The following ABCC2 variants were observed in gnomAD, a reference collection of about 807,000 sequenced individuals.
ABCC2 encodes ATP-binding cassette sub-family C member 2.
Under a neutral mutation model 173.4 loss-of-function variants are expected in ABCC2, and 157 were observed. That is an observed-to-expected ratio of 0.91 (90% CI 0.80 to 1.03). The LOEUF (loss-of-function observed/expected upper bound fraction) is 1.03. Among genes scored for constraint, ABCC2 ranks in the 50% least tolerant of loss-of-function variants. The pLI is 0.00. For missense variants in ABCC2, 1,822 were observed against 1,852.3 expected, an observed-to-expected ratio of 0.98 and a Z score of 0.30; for synonymous variants, 657 against 693.5, an observed-to-expected ratio of 0.95 and a Z score of 0.83.
chr10:99,834,243 T>G (rs374306223), intron 23 of ABCC2, 137 bp from the exon 24 acceptor site: 3 of 917,106 alleles, frequency 3.3e-6, no homozygotes, highest in African/African-American at 1.6e-5. Context: ...CTATTGCAAA[T>G]GAACACAATG....
At chr10:99,828,933 G>A (rs1174671898) in intron 19 of ABCC2, among the ~76,000 whole-genome samples, 1 of 151,318 alleles carries the variant, frequency 6.6e-6, no homozygotes, top group Non-Finnish European at 1.5e-5. Flanking sequence ...TGCATGTGTA[G>A]GTGGCATTCT....
At chr10:99,833,944 T>C (rs1195642299) in intron 23 of ABCC2, among the ~76,000 whole-genome samples, 2 of 152,204 alleles carry the variant, frequency 1.3e-5, no homozygotes, top group African/African-American at 2.4e-5. Context: ...GTAAGACACA[T>C]CTGTTCCCGC....
rs369281337 is a variant in ABCC2 at position 99,814,722 on chromosome 10, C to T, written c.2094+1578C>T. 3.5e-4 allele frequency among the ~76,000 whole-genome samples: 49 copies of T among 141,724 alleles called. 2 individuals carry two copies. In the South Asian group the frequency reaches 7.8e-3, roughly 22 times the overall value. The allele number at this position is 141,724 out of a possible 152,430, so 93.0% of individuals were successfully genotyped here. A position where few individuals can be genotyped will look rare whatever the true frequency, so the allele number is the denominator to read the frequency against. On this transcript the variant is annotated intron_variant, in intron 16 of 31. Coordinates refer to ENST00000647814, the MANE Select transcript of ABCC2 (RefSeq NM_000392.5). ...ATATATGTGTATACATGTATATACA[C>T]ATATGTGTGTGTATGTGTATATGTA... is the stretch of plus-strand genomic sequence containing the variant.
chr10:99,844,569 G>A, intron 28 of ABCC2, 104 bp downstream of exon 28: 1 of 1,488,874 alleles, frequency 6.7e-7, no homozygotes, highest in Non-Finnish European at 9.2e-7. Flanking sequence ...TTTGGATGGA[G>A]GGAAAGGGTC....
In ABCC2 at chr10:99,831,628, C is replaced by A. The variant is rs17222547; in HGVS notation, c.2901C>A (p.Tyr967Ter). 1.2e-5 allele frequency: 19 copies of A among 1,613,956 alleles called. No homozygotes were observed. The African/African-American group carries it at 1.9e-4, about 16-fold the overall frequency. The part of the protein sequence containing the change: ...IETGKVKFSI[Y>*]LEYLQAIGLF... Reference sequence around the variant, plus strand: ...CTTTGCAGGTGAAGTTCTCCATCTACCTGGAGTACCTACAAGCAATAGGAT... The same window carrying A: ...CTTTGCAGGTGAAGTTCTCCATCTAACTGGAGTACCTACAAGCAATAGGAT... The change falls in exon 22 of 32, where the codon TAC becomes TAA. Residue 967 changes from tyrosine to a stop codon, truncating the protein, a stop_gained. Transcript: ENST00000647814. LOFTEE classifies it high-confidence loss of function.
At chr10:99,782,967 C>G (rs970185213) in intron 1 of ABCC2, 90 bp downstream of exon 1, 7 of 1,345,834 alleles carry the variant, frequency 5.2e-6, no homozygotes, top group Middle Eastern at 1.8e-4. Context: ...CAACAAGAAC[C>G]AGAAATGTTA....
At chr10:99,803,970 A>G in intron 9 of ABCC2, 49 bp from the exon 10 acceptor site, 1 of 1,612,264 alleles carries the variant, frequency 6.2e-7, no homozygotes, top group East Asian at 2.2e-5. Flanking sequence ...TCTACTCCCT[A>G]GTATCCTTGG....
intron 19 of ABCC2, among the ~76,000 whole-genome samples, chr10:99,828,854 A>G (rs2038689885): frequency 6.6e-6 from 1 of 151,882 alleles, no homozygotes; most frequent in Admixed American, 6.6e-5. Flanking sequence ...GCTTATACAG[A>G]GCCACATAGT....
Position 99,787,061 on chromosome 10 carries a change from AGGTG to A in ABCC2, c.207+2282_207+2285del, listed in dbSNP as rs756806540. On this transcript the variant is annotated intron_variant, in intron 2 of 31. Transcript: ENST00000647814. Reference sequence around the variant, plus strand: ...CACACACCTGTAACCCCAGCTACTCAGGTGGCTGAGGCATAAGGATCACTTGAAC... The same window carrying A: ...CACACACCTGTAACCCCAGCTACTCAGCTGAGGCATAAGGATCACTTGAAC... Among the ~76,000 whole-genome samples, 156 of 151,682 alleles carry A rather than the reference AGGTG, an allele frequency of 1.0e-3. 1 individual carries two copies. The highest frequency in any genetic ancestry group is 1.2e-3 in the Non-Finnish European group (80 of 67,932).
chr10:99,802,618 A>G (rs2038031876), intron 9 of ABCC2, among the ~76,000 whole-genome samples: 1 of 152,218 alleles, frequency 6.6e-6, no homozygotes, highest in South Asian at 2.1e-4. Flanking sequence ...TACAGCCAAG[A>G]ATCCTAATAT....
At chr10:99,847,524 AC>A (rs1390116146) in intron 30 of ABCC2, among the ~76,000 whole-genome samples, 2 of 151,520 alleles carry the variant, frequency 1.3e-5, no homozygotes, top group African/African-American at 4.9e-5. Context: ...AATCGCTTAA[AC>A]CCAGGAGGTG....
At position 99,784,848 on chromosome 10, in the gene ABCC2, G is replaced by A. The variant is rs547608040; in HGVS notation, c.207+67G>A. The A allele has an allele frequency of 1.5e-3, 2,335 of 1,577,656 alleles. 5 individuals are homozygous for A. The highest frequency in any genetic ancestry group is 1.9e-3 in the Non-Finnish European group (2,166 of 1,151,684). ...GCACAGTAGAGACATTTTCTTGGTG[G>A]TTAGTGTTCTCTTCCTTGTCTTTAA... On this transcript the variant is annotated intron_variant, in intron 2 of 31. Coordinates refer to ENST00000647814, the MANE Select transcript of ABCC2 (RefSeq NM_000392.5).
rs767088436 is a variant in ABCC2, at chr10:99,793,920, G to C, written c.497G>C (p.Cys166Ser). ...QGDNSNLAYSCLFFISYGFQI... is the reference protein window; with the variant it reads ...QGDNSNLAYSSLFFISYGFQI... ...GACAATTCTAATCTAGCCTACTCCT[G>C]CCTGTTCTTCATCTCCTACGGATTC... Residue 166 changes from cysteine to serine, a missense_variant, in exon 5 of 32, where the codon TGC becomes TCC. By Grantham distance (112) the Cys-to-Ser change is moderately radical. Transcript: ENST00000647814. 6.2e-7 allele frequency: 1 copy of C among 1,613,760 alleles called. No individual in the cohort carries two copies. Among genetic ancestry groups the C allele is most frequent in the Non-Finnish European group, 8.5e-7 (1 of 1,179,868 alleles).
Position 99,800,582 on chromosome 10 carries a change from G to T in ABCC2, c.1209+19G>T, listed in dbSNP as rs760274805. Reference sequence around the variant, plus strand: ...TAAGAAGGTAAGCAGAATACGGCAGGTATCACCAAAGAAAATCCCCTCAGT... The same window carrying T: ...TAAGAAGGTAAGCAGAATACGGCAGTTATCACCAAAGAAAATCCCCTCAGT... On this transcript the variant is annotated intron_variant, in intron 9 of 31. Coordinates refer to ENST00000647814, the MANE Select transcript of ABCC2 (RefSeq NM_000392.5). 17 of 1,613,774 alleles carry T rather than the reference G, an allele frequency of 1.1e-5. No homozygotes were observed. The highest frequency in any genetic ancestry group is 1.4e-5 in the Non-Finnish European group (17 of 1,179,854).
chr10:99,789,918 A>C (rs2037785321), intron 2 of ABCC2, among the ~76,000 whole-genome samples: 1 of 152,206 alleles, frequency 6.6e-6, no homozygotes, highest in Non-Finnish European at 1.5e-5. Flanking sequence ...CTGGGAGACA[A>C]CCAGCTCAAT....
chr10:99,793,769 A>G, intron 4 of ABCC2, 84 bp downstream of exon 4: 1 of 1,595,220 alleles, frequency 6.3e-7, no homozygotes, highest in South Asian at 1.1e-5. Context: ...GTTGAGCTCC[A>G]GGATCGAATT....
chr10:99,801,761 A>C (rs1208543014), intron 9 of ABCC2, among the ~76,000 whole-genome samples: 1 of 151,664 alleles, frequency 6.6e-6, no homozygotes, highest in African/African-American at 2.4e-5. Flanking sequence ...CCATCACTGG[A>C]AAGTTCCATC....
At chr10:99,850,971 A>G (rs181419126) in intron 31 of ABCC2, among the ~76,000 whole-genome samples, 175 bp downstream of exon 31, 1 of 152,362 alleles carries the variant, frequency 6.6e-6, no homozygotes, top group East Asian at 1.9e-4. Flanking sequence ...CACGCAAATG[A>G]AAACGAACAA....
intron 26 of ABCC2, among the ~76,000 whole-genome samples, chr10:99,843,063 A>AAAAAAG (rs952536309): frequency 6.6e-6 from 1 of 152,092 alleles, no homozygotes; most frequent in African/African-American, 2.4e-5. Flanking sequence ...AAAAAAAAAA[A>AAAAAAG]AAAAGAAGTT....
Sources: allele counts gnomAD v4.1 joint callset (sites outside exome capture counted in the v4.1 genomes callset), GRCh38; gene constraint gnomAD v4.1.1; transcripts MANE v1.5; gene names NCBI Gene and HGNC (gene_info 2026-07-23, HGNC 2026-07-21).